Variants in ZBTB20 observed in about 807,000 individuals in gnomAD.
The protein encoded by ZBTB20 is zinc finger and BTB domain containing 20.
In ZBTB20, 9 loss-of-function variants were observed where a neutral mutation model predicts 56.9. The ratio of observed to expected loss-of-function variants is 0.16; its 90% CI spans 0.10 to 0.28. ZBTB20 has a LOEUF of 0.28. ZBTB20 is among the 10% of genes least tolerant of loss of function. The probability of loss-of-function intolerance (pLI) is 1.00; values close to 1 mark genes in which losing one functional copy is unlikely to be tolerated. For synonymous variants in ZBTB20, 417 were observed against 420.7 expected, an observed-to-expected ratio of 0.99 and a Z score of 0.11; for missense variants, 655 against 1,003.0, an observed-to-expected ratio of 0.65 and a Z score of 4.69.
chr3:114,787,953 T>C (rs2070677874), intron 5 of ZBTB20, among the ~76,000 whole-genome samples: 1 of 152,128 alleles, frequency 6.6e-6, no homozygotes, highest in Non-Finnish European at 1.5e-5. Flanking sequence ...TAAAACATAG[T>C]CTCTAATAGT....
chr3:114,582,529 G>T (rs548863206), intron 6 of ZBTB20, among the ~76,000 whole-genome samples: 3 of 151,844 alleles, frequency 2.0e-5, no homozygotes, highest in Non-Finnish European at 4.4e-5. Context: ...ACAGGCACGT[G>T]CCATCATGCC....
intron 7 of ZBTB20, among the ~76,000 whole-genome samples, chr3:114,416,721 C>T (rs1170134586): frequency 6.6e-6 from 1 of 152,064 alleles, no homozygotes; most frequent in Non-Finnish European, 1.5e-5. Flanking sequence ...TCCCTCTTTT[C>T]AGGGGGTTAT....
At chr3:114,741,809 A>AG (rs1239824807) in intron 5 of ZBTB20, among the ~76,000 whole-genome samples, 2 of 150,798 alleles carry the variant, frequency 1.3e-5, no homozygotes, top group Non-Finnish European at 3.0e-5. Flanking sequence ...TGAACCTTGG[A>AG]GGCGGAGGTT....
At chr3:115,064,292 G>GGAAA (rs2082122133) in intron 2 of ZBTB20, among the ~76,000 whole-genome samples, 1 of 151,990 alleles carries the variant, frequency 6.6e-6, no homozygotes, top group South Asian at 2.1e-4. Flanking sequence ...CTTGGACGTA[G>GGAAA]CATACCCTTG....
chr3:115,138,831 T>A (rs1481257950), intron 1 of ZBTB20, among the ~76,000 whole-genome samples: 1 of 152,064 alleles, frequency 6.6e-6, no homozygotes, highest in East Asian at 1.9e-4. Flanking sequence ...AATACAAGGA[T>A]AGAATGCATT....
intron 3 of ZBTB20, among the ~76,000 whole-genome samples, chr3:114,940,124 T>C (rs2076677536): frequency 6.9e-6 from 1 of 145,888 alleles, no homozygotes; most frequent in South Asian, 2.1e-4. Flanking sequence ...AGTTTGAGAG[T>C]CACCATATGC....
chr3:114,972,156 T>G (rs2077910056), intron 3 of ZBTB20, among the ~76,000 whole-genome samples: 3 of 152,236 alleles, frequency 2.0e-5, no homozygotes, highest in Admixed American at 1.3e-4. Flanking sequence ...AAGGAGATTC[T>G]AACATTAGTT....
chr3:115,119,034 T>C (rs778418882), intron 1 of ZBTB20, among the ~76,000 whole-genome samples: 1 of 152,092 alleles, frequency 6.6e-6, no homozygotes, highest in African/African-American at 2.4e-5. Context: ...ATTGAAAAAA[T>C]AGATAATGTC....
In ZBTB20 at chr3:114,946,664, G is replaced by A. The variant is rs1342087187; in HGVS notation, c.-456+27702C>T. Among the ~76,000 whole-genome samples, 2 of 145,398 alleles carry A rather than the reference G, an allele frequency of 1.4e-5. 1 individual carries two copies. Among genetic ancestry groups the A allele is most frequent in the African/African-American group, 5.6e-5 (2 of 35,704 alleles). ...ACACATATTACCAAAATGGACACAA[G>A]AAGAAATGGAAATCCTTCATAGTAC... On this transcript the variant is annotated intron_variant, in intron 3 of 11. Transcript: ENST00000675478.
chr3:115,049,260 A>G (rs1422940816), intron 2 of ZBTB20, among the ~76,000 whole-genome samples: 1 of 152,156 alleles, frequency 6.6e-6, no homozygotes, highest in Non-Finnish European at 1.5e-5. Context: ...TCCAGTGCCC[A>G]GCCTGTCTCT....
chr3:115,026,910 G>A (rs1043108988), intron 2 of ZBTB20, among the ~76,000 whole-genome samples: 6 of 150,538 alleles, frequency 4.0e-5, no homozygotes, highest in Non-Finnish European at 7.4e-5. Flanking sequence ...CTTCCCAGGT[G>A]TAATATAGTT....
In ZBTB20 at chr3:114,330,347, T is replaced by C. The variant is rs1290075645; in HGVS notation, c.*8658A>G. The C allele has an allele frequency of 1.3e-5, 2 of 152,198 alleles. No homozygotes were observed. Among genetic ancestry groups the C allele is most frequent in the African/African-American group, 4.8e-5 (2 of 41,444 alleles). The allele number at this position is 152,198 out of a possible 1,614,324, so 9.4% of individuals were successfully genotyped here. ...TAATATTTCAATCAACTCATGATCA[T>C]AGGCAGATTCAAAAGTTAAAATGAA... On this transcript the variant is annotated 3_prime_UTR_variant, in exon 12 of 12. Coordinates refer to ENST00000675478, the MANE Select transcript of ZBTB20 (RefSeq NM_001348800.3).
At chr3:114,351,930 G>T in intron 10 of ZBTB20, 52 bp from the exon 11 acceptor site, 1 of 1,549,526 alleles carries the variant, frequency 6.5e-7, no homozygotes, top group East Asian at 2.3e-5. Context: ...GATCTAGCTG[G>T]TTGCATTCCT....
chr3:114,593,031 G>T (rs1427394660), intron 6 of ZBTB20, among the ~76,000 whole-genome samples: 4 of 152,018 alleles, frequency 2.6e-5, no homozygotes, highest in African/African-American at 7.2e-5. Flanking sequence ...ACTGAAAAGT[G>T]TATGTTTTAT....
chr3:114,873,145 TA>T (rs1284210357), intron 4 of ZBTB20: 1 of 152,162 alleles, frequency 6.6e-6, no homozygotes. Flanking sequence ...TAAGGCTGAA[TA>T]TCATGAGAAA....
intron 5 of ZBTB20, among the ~76,000 whole-genome samples, chr3:114,756,461 C>A (rs1038978576): frequency 6.6e-5 from 10 of 152,098 alleles, no homozygotes; most frequent in South Asian, 2.1e-4. Context: ...ATTACACACA[C>A]AAAAAAGTTT....
At chr3:114,535,564 A>G (rs2048363613) in intron 6 of ZBTB20, among the ~76,000 whole-genome samples, 1 of 152,224 alleles carries the variant, frequency 6.6e-6, no homozygotes, top group Admixed American at 6.5e-5. Flanking sequence ...TCAGAGATAC[A>G]AAGAGGAGCT....
chr3:114,990,703 TGG>T lies in ZBTB20; in HGVS notation c.-506-16289_-506-16288del, dbSNP rs546812198. Among the ~76,000 whole-genome samples the T allele has an allele frequency of 2.9e-3, 444 of 152,296 alleles. 2 individuals are homozygous for T. Among genetic ancestry groups the T allele is most frequent in the African/African-American group, 0.01 (422 of 41,566 alleles). On this transcript the variant is annotated intron_variant, in intron 2 of 11. Transcript: ENST00000675478. The stretch of plus-strand genomic sequence containing the variant: ...TGGTACCAGCTCCTCCTTGTACCTC[TGG>T]TAGAATTCGGCTGTGGATCCGTCTG...
intron 7 of ZBTB20, among the ~76,000 whole-genome samples, chr3:114,466,987 T>C (rs913707062): frequency 2.6e-5 from 4 of 152,166 alleles, no homozygotes; most frequent in African/African-American, 9.7e-5. Context: ...CAGGCAGTGT[T>C]TGAGATGGAC....
Sources: gnomAD v4.1 joint callset for allele counts (sites outside exome capture counted in the v4.1 genomes callset) on GRCh38, gnomAD v4.1.1 for gene constraint, MANE v1.5 for transcripts, NCBI Gene and HGNC (gene_info 2026-07-23, HGNC 2026-07-21) for gene names.